Variants in CRTC1 observed in about 807,000 individuals in gnomAD.
CRTC1 encodes CREB regulated transcription coactivator 1.
A neutral mutation model predicts 66.1 loss-of-function variants in CRTC1; 18 were observed. The ratio of observed to expected loss-of-function variants is 0.27; its 90% confidence interval spans 0.19 to 0.40. The LOEUF (loss-of-function observed/expected upper bound fraction) is 0.40. Among genes scored for constraint, CRTC1 ranks in the 10% least tolerant of loss-of-function variants. The pLI is 1.00. For missense variants in CRTC1, 669 were observed against 887.9 expected, an observed-to-expected ratio of 0.75 and a Z score of 3.13; for synonymous variants, 416 against 398.8, an observed-to-expected ratio of 1.04 and a Z score of -0.51.
intron 2 of CRTC1, chr19:18,744,069 G>A: frequency 2.5e-6 from 4 of 1,611,188 alleles, no homozygotes; most frequent in Non-Finnish European, 3.4e-6. Flanking sequence ...GCCAGGCAAG[G>A]CAGCAGCGTC....
At chr19:18,753,668 G>A (rs536548340) in intron 6 of CRTC1, 83 bp downstream of exon 6, 2 of 1,016,188 alleles carry the variant, frequency 2.0e-6, no homozygotes, top group South Asian at 2.9e-5. Context: ...AAAATGGCAG[G>A]TTGGGGTGGC....
rs1213281637 is a variant in CRTC1 at position 18,706,117 on chromosome 19, G to T, written c.126+22289G>T. On this transcript the variant is annotated intron_variant, in intron 1 of 13. Coordinates refer to ENST00000321949, the MANE Select transcript of CRTC1 (RefSeq NM_015321.3). ...TCCCATTGAGTAGTTTGGCACCCTT[G>T]TTGAAAATCACTTGACCATATATGT... 2.4e-5 allele frequency among the ~76,000 whole-genome samples: 3 copies of T among 123,114 alleles called. No homozygotes were observed. The Admixed American group carries it at 2.8e-4, about 11-fold the overall frequency. 80.8% of individuals were successfully genotyped at this position (123,114 alleles called of 152,430 possible).
chr19:18,721,742 G>A (rs1180952980), intron 1 of CRTC1, among the ~76,000 whole-genome samples: 1 of 152,162 alleles, frequency 6.6e-6, no homozygotes, highest in Non-Finnish European at 1.5e-5. Context: ...CAATCCACCT[G>A]CCTCAGTCTC....
intron 6 of CRTC1, among the ~76,000 whole-genome samples, chr19:18,754,073 C>T (rs1345786924): frequency 6.6e-6 from 1 of 150,658 alleles, no homozygotes; most frequent in Non-Finnish European, 1.5e-5. Flanking sequence ...TGCACTCCCG[C>T]CTGGGCAACA....
intron 1 of CRTC1, among the ~76,000 whole-genome samples, chr19:18,714,984 G>C (rs1341365239): frequency 2.0e-5 from 3 of 152,288 alleles, no homozygotes; most frequent in East Asian, 3.9e-4. Flanking sequence ...TATTGTCCTG[G>C]GGCTGCCACT....
At chr19:18,718,202 C>A (rs567446012) in intron 1 of CRTC1, among the ~76,000 whole-genome samples, 35 of 152,318 alleles carry the variant, frequency 2.3e-4, no homozygotes, top group Middle Eastern at 3.4e-3. Flanking sequence ...CTTCCTGTCT[C>A]TGTGGATTTG....
chr19:18,763,014 AG>A (rs1428531056), intron 8 of CRTC1, among the ~76,000 whole-genome samples: 3 of 152,344 alleles, frequency 2.0e-5, no homozygotes, highest in Admixed American at 6.5e-5. Flanking sequence ...GCCCCATCAG[AG>A]TATAATGCTG....
chr19:18,704,150 G>A (rs537502065), intron 1 of CRTC1, among the ~76,000 whole-genome samples: 6 of 152,226 alleles, frequency 3.9e-5, no homozygotes, highest in Admixed American at 3.3e-4. Flanking sequence ...TTAAAATAGG[G>A]ATCTGCCTGT....
At chr19:18,767,303 G>A (rs1017271751) in intron 9 of CRTC1, among the ~76,000 whole-genome samples, 2 of 151,880 alleles carry the variant, frequency 1.3e-5, no homozygotes, top group African/African-American at 2.4e-5. Context: ...AGGTTCAAGC[G>A]ATTTTCGTGC....
At chr19:18,746,536 A>C (rs1334976616) in intron 3 of CRTC1, among the ~76,000 whole-genome samples, 1 of 131,924 alleles carries the variant, frequency 7.6e-6, no homozygotes, top group Non-Finnish European at 1.6e-5. Flanking sequence ...GCCCCACAAC[A>C]CCAGAGTCTG....
At chr19:18,761,007 G>A (rs2054601842) in intron 8 of CRTC1, among the ~76,000 whole-genome samples, 2 of 151,618 alleles carry the variant, frequency 1.3e-5, no homozygotes, top group African/African-American at 4.8e-5. Context: ...CTCAGTGAAA[G>A]CCTGAGGCCT....
At chr19:18,774,873 C>T in intron 11 of CRTC1, 27 bp from the exon 12 acceptor site, 1 of 1,607,418 alleles carries the variant, frequency 6.2e-7, no homozygotes, top group Non-Finnish European at 8.5e-7. Context: ...AGGCCGTGAC[C>T]ACAGCAGGCC....
At chr19:18,690,744 G>T (rs1417659848) in intron 1 of CRTC1, among the ~76,000 whole-genome samples, 1 of 152,116 alleles carries the variant, frequency 6.6e-6, no homozygotes, top group Non-Finnish European at 1.5e-5. Flanking sequence ...AGTGGGCCAT[G>T]GCTGGGCGCA....
At chr19:18,731,493 G>A (rs965659289) in intron 1 of CRTC1, among the ~76,000 whole-genome samples, 3 of 152,160 alleles carry the variant, frequency 2.0e-5, no homozygotes, top group Non-Finnish European at 2.9e-5. Flanking sequence ...TCAAGATCCC[G>A]CACTAATTAC....
intron 1 of CRTC1, among the ~76,000 whole-genome samples, chr19:18,695,125 C>T (rs536292578): frequency 1.3e-5 from 2 of 152,282 alleles, no homozygotes; most frequent in African/African-American, 4.8e-5. Flanking sequence ...CCCGCCTCGG[C>T]CTCCTAAAGT....
chr19:18,752,260 G>A (rs1225799483), intron 5 of CRTC1, among the ~76,000 whole-genome samples: 1 of 152,120 alleles, frequency 6.6e-6, no homozygotes, highest in Non-Finnish European at 1.5e-5. Context: ...GCCCACGTTG[G>A]TTCAGCCTCT....
intron 6 of CRTC1, among the ~76,000 whole-genome samples, chr19:18,758,687 G>C: frequency 6.6e-6 from 1 of 152,212 alleles, no homozygotes; most frequent in Non-Finnish European, 1.5e-5. Flanking sequence ...AAGCTGGTCA[G>C]CCCCAAGACA....
intron 1 of CRTC1, among the ~76,000 whole-genome samples, chr19:18,709,943 C>T (rs2053351437): frequency 1.3e-5 from 2 of 152,196 alleles, no homozygotes; most frequent in Admixed American, 1.3e-4. Flanking sequence ...TTAAATCCTT[C>T]CAGCGGCTTC....
chr19:18,779,964 T>G lies in CRTC1; in HGVS notation c.*2582T>G, dbSNP rs2055071762. The G allele has an allele frequency of 3.1e-5, 7 of 229,140 alleles. No homozygotes were observed. Among genetic ancestry groups the G allele is most frequent in the Admixed American group, 2.8e-4 (5 of 17,644 alleles). The allele number at this position is 229,140 out of a possible 1,614,324, so 14.2% of individuals were successfully genotyped here. A position where few individuals can be genotyped will look rare whatever the true frequency, so the allele number is the denominator to read the frequency against. On this transcript the variant is annotated 3_prime_UTR_variant, in exon 14 of 14. Coordinates refer to ENST00000321949, the MANE Select transcript of CRTC1 (RefSeq NM_015321.3). ...ACCTGGGCGGGCCTCCCAGGGGGTC[T>G]GTATCACGGCCTTTTGTGTGTGCGT...
Sources: allele counts gnomAD v4.1 joint callset (sites outside exome capture counted in the v4.1 genomes callset), GRCh38; gene constraint gnomAD v4.1.1; transcripts MANE v1.5; gene names NCBI Gene and HGNC (gene_info 2026-07-23, HGNC 2026-07-21).